Variants in GPHN observed in about 807,000 individuals in gnomAD.
The protein encoded by GPHN is gephyrin.
In GPHN, 17 loss-of-function variants were observed where a neutral mutation model predicts 95.5. The observed-to-expected ratio is 0.18, with a 90% CI of 0.12 to 0.27. The LOEUF is 0.27. Ranked by LOEUF, GPHN falls within the 10% of genes least tolerant of loss-of-function variation. The pLI is 1.00. For synonymous variants in GPHN, 320 were observed against 322.5 expected (o/e 0.99, Z 0.08); for missense variants, 660 against 978.1 (o/e 0.67, Z 4.34).
chr14:67,451,422 T>G, the GPHN span, among the ~76,000 whole-genome samples: 7 of 152,190 alleles, frequency 4.6e-5, no homozygotes, highest in Admixed American at 2.6e-4. Context: ...TGCCAGTCTG[T>G]GAAAGCAGCC....
the GPHN span, chr14:67,503,508 T>C: frequency 1.3e-5 from 2 of 152,196 alleles, no homozygotes; most frequent in Non-Finnish European, 2.9e-5. Context: ...GCATTTCCCA[T>C]CCCTGCATGC....
At chr14:67,693,821 T>C in the GPHN span, among the ~76,000 whole-genome samples, 1 of 152,014 alleles carries the variant, frequency 6.6e-6, no homozygotes, top group African/African-American at 2.4e-5. Context: ...CAGCTAATTT[T>C]TGTATTTTTA....
At chr14:66,841,006 T>C (rs2062058560) in intron 4 of GPHN, among the ~76,000 whole-genome samples, 1 of 144,056 alleles carries the variant, frequency 6.9e-6, no homozygotes, top group African/African-American at 2.6e-5. Flanking sequence ...TAGATATAGA[T>C]ATAGATATAG....
the GPHN span, among the ~76,000 whole-genome samples, chr14:67,187,181 A>G: frequency 6.6e-6 from 1 of 152,218 alleles, no homozygotes; most frequent in Middle Eastern, 3.2e-3. Context: ...CACATATTCT[A>G]AAAGCATTAG....
intron 10 of GPHN, among the ~76,000 whole-genome samples, chr14:67,027,159 T>G (rs1252419708): frequency 6.6e-6 from 1 of 152,224 alleles, no homozygotes. Context: ...CACTATTGTC[T>G]TCTGTCATCT....
chr14:67,000,977 T>C (rs2072177053), intron 9 of GPHN, among the ~76,000 whole-genome samples: 1 of 151,752 alleles, frequency 6.6e-6, no homozygotes, highest in Middle Eastern at 3.4e-3. Context: ...TGCTTATCCT[T>C]GTATATTGCC....
intron 3 of GPHN, among the ~76,000 whole-genome samples, chr14:66,784,323 T>G (rs1214033838): frequency 6.6e-6 from 1 of 152,134 alleles, no homozygotes; most frequent in Non-Finnish European, 1.5e-5. Flanking sequence ...TTCAGTGAAG[T>G]TATTCTTCAA....
At chr14:67,021,344 T>A (rs1265550199) in intron 9 of GPHN, among the ~76,000 whole-genome samples, 1 of 152,114 alleles carries the variant, frequency 6.6e-6, no homozygotes, top group African/African-American at 2.4e-5. Context: ...TTGATTATAC[T>A]GCTGTTGGCA....
At chr14:67,164,152 C>A (rs1161686112) in intron 19 of GPHN, among the ~76,000 whole-genome samples, 3 of 151,070 alleles carry the variant, frequency 2.0e-5, no homozygotes, top group African/African-American at 7.3e-5. Context: ...CCTGTAATCC[C>A]AGCTACTCGG....
At chr14:66,909,723 T>C (rs2065573349) in intron 5 of GPHN, among the ~76,000 whole-genome samples, 1 of 151,892 alleles carries the variant, frequency 6.6e-6, no homozygotes, top group Non-Finnish European at 1.5e-5. Context: ...CTCTTTAAAG[T>C]TAGGAATAAG....
intron 1 of GPHN, among the ~76,000 whole-genome samples, chr14:66,639,085 T>C (rs1199810256): frequency 6.7e-6 from 1 of 150,178 alleles, no homozygotes; most frequent in Non-Finnish European, 1.5e-5. Flanking sequence ...TCAGATTCAT[T>C]ATATATGGTT....
chr14:67,519,329 C>T, the GPHN span, among the ~76,000 whole-genome samples: 1 of 152,216 alleles, frequency 6.6e-6, no homozygotes, highest in East Asian at 1.9e-4. Flanking sequence ...GCTGGCAAAA[C>T]AAGCTCGAAA....
intron 9 of GPHN, among the ~76,000 whole-genome samples, chr14:66,971,357 C>A (rs1163127086): frequency 6.6e-6 from 1 of 152,102 alleles, no homozygotes; most frequent in Non-Finnish European, 1.5e-5. Flanking sequence ...AAAGCCTTTA[C>A]ATGTTAACAT....
intron 9 of GPHN, among the ~76,000 whole-genome samples, chr14:66,982,042 G>A (rs529176734): frequency 2.0e-5 from 3 of 152,196 alleles, no homozygotes; most frequent in Non-Finnish European, 4.4e-5. Flanking sequence ...ATATGTGAGT[G>A]TACCTTAATG....
chr14:67,063,538 A>G (rs111436979), intron 11 of GPHN, among the ~76,000 whole-genome samples: 10,121 of 152,168 alleles, frequency 0.067, 359 homozygotes, highest in Middle Eastern at 0.085. Flanking sequence ...GGCCATTTTC[A>G]TGATATTGAT....
At chr14:67,673,534 T>G in the GPHN span, among the ~76,000 whole-genome samples, 1 of 152,180 alleles carries the variant, frequency 6.6e-6, no homozygotes, top group South Asian at 2.1e-4. Context: ...CCTAGAACGG[T>G]GCCTCACAAT....
the GPHN span, among the ~76,000 whole-genome samples, chr14:67,489,323 T>C: frequency 2.0e-5 from 3 of 152,236 alleles, no homozygotes; most frequent in Non-Finnish European, 2.9e-5. Flanking sequence ...GCCTTCGAAC[T>C]GCTTCCCACC....
chr14:66,601,665 T>C (rs2062251101), intron 1 of GPHN, among the ~76,000 whole-genome samples: 1 of 152,044 alleles, frequency 6.6e-6, no homozygotes, highest in South Asian at 2.1e-4. Context: ...GATTTTCTTA[T>C]TATGGAAGAA....
the GPHN span, chr14:67,574,453 G>A: frequency 3.8e-5 from 54 of 1,403,038 alleles, no homozygotes; most frequent in Non-Finnish European, 5.1e-5. This position sits in a 1 kb window ranked among gnomAD's most constrained non-coding sequence, Gnocchi z 4.2. Context: ...TGCGAATCAG[G>A]GGAGCCAGGA....
Sources: allele counts gnomAD v4.1 joint callset (sites outside exome capture counted in the v4.1 genomes callset), GRCh38; gene constraint gnomAD v4.1.1; non-coding constraint Gnocchi (gnomAD v3.1); transcripts MANE v1.5; gene names NCBI Gene and HGNC (gene_info 2026-07-23, HGNC 2026-07-21).